The following DTNBP1 variants were observed in gnomAD, a reference collection of about 807,000 sequenced individuals.
DTNBP1 encodes dysbindin.
DTNBP1 carries 35 observed loss-of-function variants against 42.8 expected under a neutral mutation model. The observed-to-expected ratio is 0.82, with a 90% CI of 0.63 to 1.09. DTNBP1 has a LOEUF of 1.09. Among genes scored for constraint, DTNBP1 ranks in the 50% least tolerant of loss-of-function variants. The pLI is 0.00. For missense variants in DTNBP1, 457 were observed against 424.2 expected (o/e 1.08, Z -0.68); for synonymous variants, 171 against 162.2 (o/e 1.05, Z -0.41).
intron 6 of DTNBP1, among the ~76,000 whole-genome samples, chr6:15,606,323 T>C (rs749432253): frequency 6.6e-6 from 1 of 152,232 alleles, no homozygotes; most frequent in Non-Finnish European, 1.5e-5. Context: ...ATATCATATA[T>C]CCATTTGAAA....
intron 7 of DTNBP1, among the ~76,000 whole-genome samples, chr6:15,550,103 C>T (rs1431714146): frequency 6.6e-6 from 1 of 152,186 alleles, no homozygotes; most frequent in Non-Finnish European, 1.5e-5. Flanking sequence ...TTAAAATTTA[C>T]CATTAGTGTA....
intron 1 of DTNBP1, among the ~76,000 whole-genome samples, chr6:15,657,882 A>G (rs1321299363): frequency 6.6e-6 from 1 of 152,212 alleles, no homozygotes; most frequent in Non-Finnish European, 1.5e-5. Flanking sequence ...AAATGTGCTT[A>G]TCCAAATCTA....
intron 6 of DTNBP1, among the ~76,000 whole-genome samples, chr6:15,597,080 T>C (rs1776543631): frequency 6.6e-6 from 1 of 152,176 alleles, no homozygotes; most frequent in Admixed American, 6.5e-5. Context: ...TTACTAAGCC[T>C]TAGACACTAT....
chr6:15,527,144 A>C (rs1243579312), intron 8 of DTNBP1, among the ~76,000 whole-genome samples: 1 of 152,250 alleles, frequency 6.6e-6, no homozygotes. Flanking sequence ...TATTGGGATA[A>C]AGAGTAGTAC....
At chr6:15,615,520 T>C (rs1758668259) in intron 5 of DTNBP1, 121 bp from the exon 6 acceptor site, 1 of 1,320,610 alleles carries the variant, frequency 7.6e-7, no homozygotes, top group African/African-American at 1.5e-5. Context: ...TTTAATGTTT[T>C]TTATTAAACT....
At chr6:15,523,274 A>T in intron 9 of DTNBP1, 55 bp from the exon 10 acceptor site, 1 of 1,607,560 alleles carries the variant, frequency 6.2e-7, no homozygotes, top group South Asian at 1.1e-5. Flanking sequence ...TGTGAATCAG[A>T]ATTGCCGCCA....
chr6:15,637,190 G>A lies in DTNBP1; in HGVS notation c.222+554C>T, dbSNP rs1019746121. Among the ~76,000 whole-genome samples the A allele has an allele frequency of 2.6e-5, 4 of 152,156 alleles. No homozygotes were observed. In the South Asian group the frequency reaches 8.3e-4, roughly 32 times the overall value. On this transcript the variant is annotated intron_variant, in intron 4 of 9. Coordinates refer to ENST00000344537, the MANE Select transcript of DTNBP1 (RefSeq NM_032122.5). ...AGGTTTGATTGACATCAACAACATT[G>A]AGGAGAGTATTCGATTTTGGCTATG...
intron 7 of DTNBP1, among the ~76,000 whole-genome samples, chr6:15,558,566 C>T (rs1194588022): frequency 6.6e-6 from 1 of 152,116 alleles, no homozygotes; most frequent in African/African-American, 2.4e-5. Flanking sequence ...CATGCCCGGC[C>T]TCTGATGAGT....
intron 7 of DTNBP1, among the ~76,000 whole-genome samples, chr6:15,542,425 G>A (rs1245427171): frequency 6.6e-6 from 1 of 152,016 alleles, no homozygotes; most frequent in Non-Finnish European, 1.5e-5. Flanking sequence ...AGGCTGGAGT[G>A]CAGTGGTACG....
intron 7 of DTNBP1, among the ~76,000 whole-genome samples, chr6:15,581,725 G>A (rs1775846445): frequency 6.6e-6 from 1 of 151,662 alleles, no homozygotes; most frequent in Non-Finnish European, 1.5e-5. Flanking sequence ...TGATCCACCT[G>A]CCTTGGCCCC....
At chr6:15,663,042 T>G, upstream of DTNBP1, 7 of 810,304 alleles carry the variant, frequency 8.6e-6, no homozygotes, top group Non-Finnish European at 1.2e-5. Context: ...CCCTTCCGCG[T>G]TCCCGCCCCG....
At position 15,607,699 on chromosome 6, in the gene DTNBP1, T is replaced by G. The variant is rs1758156811; in HGVS notation, c.488+7568A>C. Among the ~76,000 whole-genome samples the G allele has an allele frequency of 2.6e-5, 4 of 152,380 alleles. No individual in the cohort carries two copies. The South Asian group carries it at 8.3e-4, about 32-fold the overall frequency. On this transcript the variant is annotated intron_variant, in intron 6 of 9. Coordinates refer to ENST00000344537, the MANE Select transcript of DTNBP1 (RefSeq NM_032122.5). ...ATGCAAAGTGTTTCTGGAGCTTATC[T>G]GATCACATACTGTTTTATCAATGGC...
At chr6:15,638,573 G>T (rs1441645029) in intron 3 of DTNBP1, among the ~76,000 whole-genome samples, 1 of 152,176 alleles carries the variant, frequency 6.6e-6, no homozygotes, top group African/African-American at 2.4e-5. Flanking sequence ...CAAAGTATCT[G>T]CCCATTGGAT....
chr6:15,523,420 AC>A lies in DTNBP1; in HGVS notation c.812-202del, dbSNP rs911033680. ...AGAGGCAGCCTCAGGCCCTGCGGTG[AC>A]CCTTCTGTCCCCTAAGGAGTCAGCC... is the stretch of plus-strand genomic sequence containing the variant. On this transcript the variant is annotated intron_variant, in intron 9 of 9. Transcript: ENST00000344537. 4.1e-5 allele frequency: 51 copies of A among 1,250,214 alleles called. 1 individual carries two copies. The African/African-American group carries it at 6.3e-4, about 15-fold the overall frequency. The allele number at this position is 1,250,214 out of a possible 1,614,324, so 77.4% of individuals were successfully genotyped here.
intron 7 of DTNBP1, among the ~76,000 whole-genome samples, chr6:15,573,153 C>T (rs1775412231): frequency 1.3e-5 from 2 of 152,050 alleles, no homozygotes; most frequent in South Asian, 4.2e-4. Context: ...AGGCTATTGT[C>T]CACTTACTTT....
chr6:15,548,164 A>G (rs898541177), intron 7 of DTNBP1, among the ~76,000 whole-genome samples: 10 of 152,238 alleles, frequency 6.6e-5, no homozygotes, highest in Non-Finnish European at 1.5e-4. Flanking sequence ...AAAACATTTT[A>G]TAGTATATTC....
intron 7 of DTNBP1, among the ~76,000 whole-genome samples, chr6:15,541,005 C>T (rs1009826207): frequency 2.6e-5 from 4 of 151,522 alleles, no homozygotes; most frequent in Non-Finnish European, 5.9e-5. Context: ...ACATGTTCCT[C>T]ACTAGGTATC....
In DTNBP1 at chr6:15,523,095, C is replaced by A; in HGVS notation, c.936G>T (p.Glu312Asp). The A allele has an allele frequency of 6.2e-7, 1 of 1,614,250 alleles. No homozygotes were observed. Among genetic ancestry groups the A allele is most frequent in the East Asian group, 2.2e-5 (1 of 44,882 alleles). Reference sequence around the variant, plus strand: ...ACTGAACAACGGGGGACTCCCCACCCTCACTGATGTCCCGGGTGGCCGAGT... The same window carrying A: ...ACTGAACAACGGGGGACTCCCCACCATCACTGATGTCCCGGGTGGCCGAGT... ...CTDSATRDISEGGESPVVQSD... is the reference protein window; with the variant it reads ...CTDSATRDISDGGESPVVQSD... The change falls in exon 10 of 10, where the codon GAG becomes GAT. Residue 312 changes from glutamate to aspartate, a missense_variant. Coordinates refer to ENST00000344537, the MANE Select transcript of DTNBP1 (RefSeq NM_032122.5).
intron 7 of DTNBP1, among the ~76,000 whole-genome samples, chr6:15,578,253 A>C (rs1161509713): frequency 6.6e-6 from 1 of 152,200 alleles, no homozygotes; most frequent in Non-Finnish European, 1.5e-5. Flanking sequence ...TTCTCTTCTG[A>C]CTGCTTCCAG....
Sources: allele counts gnomAD v4.1 joint callset (sites outside exome capture counted in the v4.1 genomes callset), GRCh38; gene constraint gnomAD v4.1.1; transcripts MANE v1.5; gene names NCBI Gene and HGNC (gene_info 2026-07-23, HGNC 2026-07-21).